Variants in GSG1L observed in about 807,000 individuals in gnomAD.
GSG1L encodes germ cell-specific gene 1-like protein.
In GSG1L, 24 loss-of-function variants were observed where a neutral mutation model predicts 42.1. That is an observed-to-expected ratio of 0.57 (90% CI 0.41 to 0.80). The LOEUF (loss-of-function observed/expected upper bound fraction) is 0.80, where lower values mean the gene tolerates loss of function less well. Among genes scored for constraint, GSG1L ranks in the 30% least tolerant of loss-of-function variants. The pLI is 0.00. For synonymous variants in GSG1L, 215 were observed against 203.5 expected, an observed-to-expected ratio of 1.06 and a Z score of -0.48; for missense variants, 445 against 472.2, an observed-to-expected ratio of 0.94 and a Z score of 0.53.
chr16:27,858,375 G>C (rs2083605114), intron 3 of GSG1L, among the ~76,000 whole-genome samples: 1 of 152,238 alleles, frequency 6.6e-6, no homozygotes, highest in South Asian at 2.1e-4. Flanking sequence ...TGAAAAAAGA[G>C]AGTGTAAAGC....
In GSG1L at chr16:27,893,708, T is replaced by C. The variant is rs186235027; in HGVS notation, c.398-9070A>G. Among the ~76,000 whole-genome samples the C allele has an allele frequency of 4.3e-3, 657 of 152,182 alleles. 9 individuals are homozygous for C. The highest frequency in any genetic ancestry group is 3.4e-3 in the Middle Eastern group (1 of 294). On this transcript the variant is annotated intron_variant, in intron 2 of 6. Coordinates refer to ENST00000447459, the MANE Select transcript of GSG1L (RefSeq NM_001109763.2). ...GATTCTTCTGTCTCAGCCTCCCGAG[T>C]AGCTGGGACTACAGACATGCACCAC...
chr16:28,011,472 C>A (rs1338226570), intron 1 of GSG1L, among the ~76,000 whole-genome samples: 1 of 152,218 alleles, frequency 6.6e-6, no homozygotes, highest in Non-Finnish European at 1.5e-5. Flanking sequence ...TGAACTGGAG[C>A]ACATGGGCCC....
chr16:27,810,674 TGTC>T (rs2083020769), intron 5 of GSG1L, among the ~76,000 whole-genome samples: 1 of 152,006 alleles, frequency 6.6e-6, no homozygotes, highest in South Asian at 2.1e-4. Context: ...AAAAGGATAA[TGTC>T]TTTTTTTTTA....
intron 1 of GSG1L, among the ~76,000 whole-genome samples, chr16:27,978,038 G>A (rs2085271101): frequency 6.6e-6 from 1 of 152,182 alleles, no homozygotes; most frequent in Non-Finnish European, 1.5e-5. Context: ...GAGGATGGAT[G>A]GGGGCATCAC....
chr16:28,043,439 AAAG>A (rs1483654373), intron 1 of GSG1L, among the ~76,000 whole-genome samples: 2 of 152,210 alleles, frequency 1.3e-5, no homozygotes, highest in African/African-American at 4.8e-5. Context: ...TTGGAATACA[AAAG>A]AAGGAGTCAA....
At chr16:27,902,057 C>T (rs1382547165) in intron 2 of GSG1L, among the ~76,000 whole-genome samples, 1 of 152,196 alleles carries the variant, frequency 6.6e-6, no homozygotes, top group African/African-American at 2.4e-5. Context: ...TTGTACTATC[C>T]CCTCTGCCCT....
At chr16:28,053,882 G>A (rs28629249) in intron 1 of GSG1L, among the ~76,000 whole-genome samples, 2,773 of 152,140 alleles carry the variant, frequency 0.018, 66 homozygotes, top group African/African-American at 0.064. Flanking sequence ...CACGTGCCTC[G>A]ATCTCCCTTT....
Position 28,054,815 on chromosome 16 carries a change from C to T in GSG1L, c.349+8261G>A, listed in dbSNP as rs555182902. Among the ~76,000 whole-genome samples, 9 of 152,038 alleles carry T rather than the reference C, an allele frequency of 5.9e-5. No homozygotes were observed. The South Asian group carries it at 1.9e-3, about 32-fold the overall frequency. ...AAGTGTTTTATTTTGGCCTGCAGAT[C>T]AGATGTCTTTAAAAAAAAATGGATT... is the stretch of plus-strand genomic sequence containing the variant. On this transcript the variant is annotated intron_variant, in intron 1 of 6. Transcript: ENST00000447459.
intron 5 of GSG1L, among the ~76,000 whole-genome samples, chr16:27,815,769 C>A (rs1644610): frequency 0.44 from 66,488 of 151,992 alleles, 14,660 homozygotes; most frequent in Admixed American, 0.48. Flanking sequence ...TAACAATGCA[C>A]AGCATGCTGG....
At chr16:27,909,123 TG>T (rs939467858) in intron 2 of GSG1L, among the ~76,000 whole-genome samples, 2 of 152,048 alleles carry the variant, frequency 1.3e-5, no homozygotes, top group Non-Finnish European at 2.9e-5. Context: ...AGATATCCCA[TG>T]GGAGGGGCTT....
Position 28,018,087 on chromosome 16 carries a change from C to G in GSG1L, c.349+44989G>C, listed in dbSNP as rs138208927. Among the ~76,000 whole-genome samples, 517 of 152,188 alleles carry G rather than the reference C, an allele frequency of 3.4e-3. 1 individual carries two copies. Among genetic ancestry groups the G allele is most frequent in the African/African-American group, 0.012 (491 of 41,522 alleles). On this transcript the variant is annotated intron_variant, in intron 1 of 6. Transcript: ENST00000447459. ...AAATAGCCCCAGAAATATGATAGAGCCAGCACAACAAAATTCAAGCCTTTA... is the reference window on the plus strand; with the variant it reads ...AAATAGCCCCAGAAATATGATAGAGGCAGCACAACAAAATTCAAGCCTTTA...
chr16:27,963,373 T>G (rs1260096626), intron 1 of GSG1L, among the ~76,000 whole-genome samples, 170 bp from the exon 2 acceptor site: 1 of 152,102 alleles, frequency 6.6e-6, no homozygotes, highest in East Asian at 1.9e-4. Flanking sequence ...GGAGTGTGGA[T>G]GGCGAAACTG....
chr16:27,966,370 T>C (rs2085133856), intron 1 of GSG1L, among the ~76,000 whole-genome samples: 1 of 152,092 alleles, frequency 6.6e-6, no homozygotes, highest in African/African-American at 2.4e-5. Context: ...CCAGCTGTGG[T>C]GGCACGGGGC....
intron 1 of GSG1L, among the ~76,000 whole-genome samples, chr16:28,049,686 CAAAA>C (rs34371458): frequency 1.6e-5 from 2 of 122,270 alleles, no homozygotes. Context: ...GACCCTGTCT[CAAAA>C]AAAAAAAAAA....
At chr16:27,967,256 T>A (rs1186314368) in intron 1 of GSG1L, among the ~76,000 whole-genome samples, 1 of 152,210 alleles carries the variant, frequency 6.6e-6, no homozygotes, top group Non-Finnish European at 1.5e-5. Flanking sequence ...CAGCCCCATA[T>A]CAATGCAAAG....
intron 2 of GSG1L, among the ~76,000 whole-genome samples, chr16:27,937,652 G>C (rs2084733954): frequency 6.6e-6 from 1 of 152,188 alleles, no homozygotes; most frequent in South Asian, 2.1e-4. Context: ...CGATGACTGG[G>C]GAGCACTTCC....
chr16:27,933,027 T>C (rs1341583044), intron 2 of GSG1L, among the ~76,000 whole-genome samples: 1 of 152,100 alleles, frequency 6.6e-6, no homozygotes, highest in Non-Finnish European at 1.5e-5. Flanking sequence ...ACAGCCTTAC[T>C]GCAGGAATAG....
chr16:27,911,295 C>CT (rs71140923), intron 2 of GSG1L, among the ~76,000 whole-genome samples: 5 of 129,466 alleles, frequency 3.9e-5, no homozygotes, highest in African/African-American at 1.4e-4. Flanking sequence ...CTCTCTCTCT[C>CT]CTCTCTCTCT....
chr16:27,929,699 T>C (rs1203367899), intron 2 of GSG1L, among the ~76,000 whole-genome samples: 1 of 152,190 alleles, frequency 6.6e-6, no homozygotes, highest in Non-Finnish European at 1.5e-5. Flanking sequence ...TTTCTTTTAT[T>C]TGTGGTTTGG....
Sources: allele counts gnomAD v4.1 joint callset (sites outside exome capture counted in the v4.1 genomes callset), GRCh38; gene constraint gnomAD v4.1.1; transcripts MANE v1.5; gene names NCBI Gene and HGNC (gene_info 2026-07-23, HGNC 2026-07-21).